Variants in UTP20 observed in about 807,000 individuals in gnomAD.
UTP20 encodes small subunit processome component 20 homolog.
A neutral mutation model predicts 329.5 loss-of-function variants in UTP20; 164 were observed. That is an observed-to-expected ratio of 0.50 (90% confidence interval 0.44 to 0.57). The LOEUF (loss-of-function observed/expected upper bound fraction) is 0.57. UTP20 is among the 20% of genes least tolerant of loss of function. UTP20 has a pLI of 0.00. For missense variants in UTP20, 3,055 were observed against 3,284.2 expected (o/e 0.93, Z 1.71); for synonymous variants, 1,151 against 1,159.3 (o/e 0.99, Z 0.14).
chr12:101,311,791 G>A lies in UTP20; in HGVS notation c.2304G>A (p.Thr768=), dbSNP rs547678956. The A allele has an allele frequency of 9.2e-5, 149 of 1,611,750 alleles. 1 individual carries two copies. The highest frequency in any genetic ancestry group is 1.2e-4 in the Non-Finnish European group (139 of 1,179,410). The part of the protein sequence containing the change: ...VYYEHLEKAA[T]HAEKELQNDM... The stretch of plus-strand genomic sequence containing the variant: ...ATGAGCATCTAGAAAAAGCAGCTAC[G>A]CATGCTGGTATGTAAAGGGGTTGTG... The change falls in exon 20 of 62, where the codon ACG becomes ACA. Residue 768 remains threonine, a synonymous_variant. Coordinates refer to ENST00000261637, the MANE Select transcript of UTP20 (RefSeq NM_014503.3).
chr12:101,344,591 G>T lies in UTP20; in HGVS notation c.4450-4G>T. The T allele has an allele frequency of 1.1e-6, 1 of 917,088 alleles. No individual in the cohort carries two copies. The allele number at this position is 917,088 out of a possible 1,614,324, so 56.8% of individuals were successfully genotyped here. A position where few individuals can be genotyped will look rare whatever the true frequency, so the allele number is the denominator to read the frequency against. On this transcript the variant is annotated splice_polypyrimidine_tract_variant and splice_region_variant and intron_variant, in intron 35 of 61. Transcript: ENST00000261637. ...AATTTCTTTTTTATTTCTCTTTTTT[G>T]CAGTTAGGAGATATGAGTTTAAGTG...
Position 101,286,426 on chromosome 12 carries a change from G to A in UTP20, c.432G>A (p.Leu144=), listed in dbSNP as rs757288601. ...TCCTGGAGACTCAGGACACAGAGTT[G>A]TTAGAATGGGCTTTCACCTCGTTAT... ...TSILETQDTE[L]LEWAFTSLSY... is the part of the protein sequence containing the mutation. The change falls in exon 5 of 62, where the codon TTG becomes TTA. Residue 144 remains leucine, a synonymous_variant. Transcript: ENST00000261637. 1 of 1,613,928 alleles carries A rather than the reference G, an allele frequency of 6.2e-7. No individual in the cohort carries two copies. Among genetic ancestry groups the A allele is most frequent in the Non-Finnish European group, 8.5e-7 (1 of 1,179,928 alleles).
intron 59 of UTP20, 84 bp from the exon 60 acceptor site, chr12:101,383,459 C>T: frequency 6.5e-7 from 1 of 1,537,070 alleles, no homozygotes; most frequent in Non-Finnish European, 8.8e-7. Context: ...ATAGACTGAG[C>T]CCTGTTTTCT....
chr12:101,305,090 A>G (rs964230161), intron 15 of UTP20, among the ~76,000 whole-genome samples: 1 of 150,488 alleles, frequency 6.6e-6, no homozygotes, highest in Non-Finnish European at 1.5e-5. Context: ...TCTCCCCACA[A>G]CTCCCTGCAT....
chr12:101,381,753 T>C (rs1458556246), intron 58 of UTP20, among the ~76,000 whole-genome samples: 1 of 152,052 alleles, frequency 6.6e-6, no homozygotes, highest in African/African-American at 2.4e-5. Flanking sequence ...GTGCGGTGAC[T>C]CACGCCTATA....
At chr12:101,364,599 C>T (rs1037658272) in intron 45 of UTP20, among the ~76,000 whole-genome samples, 1 of 152,078 alleles carries the variant, frequency 6.6e-6, no homozygotes. Flanking sequence ...TGTAATTTAC[C>T]CACCTTCCTA....
chr12:101,300,172 C>A, intron 14 of UTP20, 111 bp downstream of exon 14: 3 of 1,044,522 alleles, frequency 2.9e-6, no homozygotes, highest in Non-Finnish European at 4.3e-6. Context: ...CTGGCATAAC[C>A]CCCTGGATGA....
intron 58 of UTP20, 100 bp downstream of exon 58, chr12:101,381,311 C>A: frequency 9.9e-7 from 1 of 1,006,066 alleles, no homozygotes; most frequent in Non-Finnish European, 1.6e-6. Context: ...GCGGCCAGAT[C>A]ACCCCGAGGT....
At chr12:101,354,029 C>T (rs1320443629) in intron 40 of UTP20, among the ~76,000 whole-genome samples, 4 of 151,918 alleles carry the variant, frequency 2.6e-5, no homozygotes, top group African/African-American at 4.8e-5. Flanking sequence ...GGGAGGCCTA[C>T]GCAGGTGGAT....
intron 31 of UTP20, among the ~76,000 whole-genome samples, chr12:101,340,264 T>A (rs1056106092): frequency 2.6e-5 from 4 of 152,200 alleles, no homozygotes; most frequent in South Asian, 2.1e-4. Context: ...CCTATTCACC[T>A]GTTCACTCTA....
chr12:101,302,427 C>T, intron 14 of UTP20, 21 bp from the exon 15 acceptor site: 1 of 1,417,562 alleles, frequency 7.1e-7, no homozygotes, highest in South Asian at 1.2e-5. Flanking sequence ...AATGTGGTTT[C>T]TCCTGTTTTT....
At position 101,370,725 on chromosome 12, in the gene UTP20, C is replaced by G. The variant is rs1005925187; in HGVS notation, c.6687+162C>G. Among the ~76,000 whole-genome samples the G allele has an allele frequency of 2.6e-5, 4 of 152,162 alleles. No individual in the cohort carries two copies. In the South Asian group the frequency reaches 8.3e-4, roughly 32 times the overall value. On this transcript the variant is annotated intron_variant, in intron 50 of 61. Transcript: ENST00000261637. ...TGGGTCAATTACAGGTGAACATTTG[C>G]TTATGAAAAATGTTTAAATGTGAGC...
intron 54 of UTP20, 73 bp downstream of exon 54, chr12:101,373,840 T>C: frequency 6.8e-7 from 1 of 1,469,894 alleles, no homozygotes; most frequent in Non-Finnish European, 9.2e-7. Context: ...TAAGAATATA[T>C]GTCATACACT....
intron 27 of UTP20, 134 bp downstream of exon 27, chr12:101,329,583 T>C: frequency 1.2e-6 from 1 of 818,590 alleles, no homozygotes; most frequent in Non-Finnish European, 1.8e-6. Context: ...AAGCCCAAAA[T>C]TGTAAATGAT....
At chr12:101,308,678 A>T (rs2137249929) in intron 18 of UTP20, among the ~76,000 whole-genome samples, 1 of 151,776 alleles carries the variant, frequency 6.6e-6, no homozygotes, top group South Asian at 2.1e-4. Context: ...TGTCAGGTTT[A>T]AAGCTTGCTC....
intron 10 of UTP20, 124 bp downstream of exon 10, chr12:101,292,228 A>G: frequency 8.9e-7 from 1 of 1,127,114 alleles, no homozygotes; most frequent in Non-Finnish European, 1.2e-6. Context: ...AATCTTGTTA[A>G]GGAAATGGGA....
At chr12:101,345,404 C>A in intron 36 of UTP20, 150 bp from the exon 37 acceptor site, 1 of 571,112 alleles carries the variant, frequency 1.8e-6, no homozygotes, top group Non-Finnish European at 2.9e-6. Context: ...CCAGGCTGTC[C>A]TCAAACTCCT....
intron 25 of UTP20, 88 bp from the exon 26 acceptor site, chr12:101,326,993 G>T: frequency 3.1e-6 from 4 of 1,269,904 alleles, no homozygotes; most frequent in African/African-American, 1.5e-5. Flanking sequence ...TAAATCTATT[G>T]AGTTGCTCTT....
intron 3 of UTP20, 56 bp from the exon 4 acceptor site, chr12:101,285,693 A>G: frequency 1.2e-6 from 2 of 1,613,402 alleles, no homozygotes; most frequent in South Asian, 1.1e-5. Flanking sequence ...TATATGTTCC[A>G]TACAGCTGAA....
Sources: allele counts gnomAD v4.1 joint callset (sites outside exome capture counted in the v4.1 genomes callset), GRCh38; gene constraint gnomAD v4.1.1; transcripts MANE v1.5; gene names NCBI Gene and HGNC (gene_info 2026-07-23, HGNC 2026-07-21).